Variants in RNF8 observed in about 807,000 individuals in gnomAD.
RNF8 encodes ring finger protein 8, also known as E3 ubiquitin-protein ligase RNF8.
In RNF8, 8 loss-of-function variants were observed where a neutral mutation model predicts 59.3. The ratio of observed to expected loss-of-function variants is 0.13; its 90% CI spans 0.08 to 0.24. The LOEUF is 0.24. Ranked by LOEUF, RNF8 falls within the 10% of genes least tolerant of loss-of-function variation. The pLI, the probability that RNF8 is intolerant of heterozygous loss-of-function variation, is 1.00. For missense variants in RNF8, 406 were observed against 572.6 expected (o/e 0.71, Z 2.97); for synonymous variants, 162 against 200.0 (o/e 0.81, Z 1.60).
Position 37,360,563 on chromosome 6 carries a change from A to G in RNF8, c.229A>G (p.Met77Val). Residue 77 changes from methionine to valine, a missense_variant, in exon 2 of 8, where the codon ATG (methionine) becomes GTG (valine). Physicochemically the swap from Met to Val is conservative, Grantham distance 21. This residue lies in a region of RNF8 where 62 missense variants were observed against 112.2 expected (regional missense o/e 0.55). Transcript: ENST00000373479. This position sits in a 1 kb window ranked among gnomAD's most constrained non-coding sequence, Gnocchi z 4.2. ...GAATCCTGAGGGCCAATGGACAATT[A>G]TGGACAACAAGGTACAGGAATTCAC... Reference protein sequence around the residue: ...KQNPEGQWTIMDNKSLNGVWL... With the variant: ...KQNPEGQWTIVDNKSLNGVWL... 1.2e-6 allele frequency: 2 copies of G among 1,613,600 alleles called. No homozygotes were observed. Among genetic ancestry groups the G allele is most frequent in the Non-Finnish European group, 1.7e-6 (2 of 1,179,730 alleles).
At chr6:37,372,031 A>G (rs1288034446) in intron 4 of RNF8, among the ~76,000 whole-genome samples, 1 of 152,212 alleles carries the variant, frequency 6.6e-6, no homozygotes, top group East Asian at 1.9e-4. Context: ...CAGTTTAACA[A>G]TCAACAACAC....
intron 2 of RNF8, among the ~76,000 whole-genome samples, chr6:37,368,090 G>A (rs1349663865): frequency 6.6e-6 from 1 of 152,136 alleles, no homozygotes; most frequent in Non-Finnish European, 1.5e-5. Flanking sequence ...ACTACTTCAT[G>A]GACCTCACCC....
At chr6:37,375,156 G>T (rs186888438) in intron 5 of RNF8, among the ~76,000 whole-genome samples, 182 of 152,346 alleles carry the variant, frequency 1.2e-3, no homozygotes, top group African/African-American at 4.1e-3. Context: ...GGCCAGACTG[G>T]TAATCAAAGT....
intron 7 of RNF8, among the ~76,000 whole-genome samples, chr6:37,382,549 A>G (rs1467754581): frequency 6.6e-6 from 1 of 152,002 alleles, no homozygotes; most frequent in Non-Finnish European, 1.5e-5. Context: ...GGGAATCCAG[A>G]TTTGGCCAAG....
chr6:37,374,539 G>A, intron 4 of RNF8, 81 bp from the exon 5 acceptor site: 3 of 989,058 alleles, frequency 3.0e-6, no homozygotes, highest in South Asian at 2.8e-5. Flanking sequence ...CTAACTAGAG[G>A]GAGAGAACAG....
chr6:37,386,919 A>G (rs1021405629), intron 7 of RNF8, among the ~76,000 whole-genome samples: 16 of 152,118 alleles, frequency 1.1e-4, no homozygotes, highest in Non-Finnish European at 2.1e-4. Context: ...GCCCTCTAAA[A>G]AATGGATCCT....
intron 2 of RNF8, among the ~76,000 whole-genome samples, chr6:37,367,804 A>G (rs1769623025): frequency 6.6e-6 from 1 of 152,218 alleles, no homozygotes; most frequent in Non-Finnish European, 1.5e-5. Flanking sequence ...TGAGGTAGGT[A>G]CTGTACCATC....
chr6:37,392,415 G>A lies in RNF8; in HGVS notation c.*1657G>A, dbSNP rs183645889. On this transcript the variant is annotated 3_prime_UTR_variant, in exon 8 of 8. Coordinates refer to ENST00000373479, the MANE Select transcript of RNF8 (RefSeq NM_003958.4). ...TTTGAAATTAAAGGTACAAAATGGC[G>A]TAGAATGAAATGCCTCTCACCCTTT... The A allele has an allele frequency of 2.1e-4, 83 of 398,560 alleles. No homozygotes were observed. Among genetic ancestry groups the A allele is most frequent in the Non-Finnish European group, 2.5e-4 (56 of 226,038 alleles). 24.7% of individuals were successfully genotyped at this position (398,560 alleles called of 1,614,324 possible).
chr6:37,368,960 T>C lies in RNF8; in HGVS notation c.717T>C (p.Ser239=). 6.2e-7 allele frequency: 1 copy of C among 1,614,176 alleles called. No individual in the cohort carries two copies. Among genetic ancestry groups the C allele is most frequent in the Non-Finnish European group, 8.5e-7 (1 of 1,180,038 alleles). ...EVHHEQKASN[S]SASQRSLQMF... ...ATCATGAGCAGAAAGCCTCAAACTCTTCAGCATCTCAGAGAAGCTTACAGA... is the reference window on the plus strand; with the variant it reads ...ATCATGAGCAGAAAGCCTCAAACTCCTCAGCATCTCAGAGAAGCTTACAGA... The change falls in exon 3 of 8, where the codon TCT becomes TCC. Residue 239 remains serine (S), a synonymous_variant. Transcript: ENST00000373479.
chr6:37,377,139 C>T (rs1475769106), intron 6 of RNF8, 106 bp downstream of exon 6: 1 of 593,220 alleles, frequency 1.7e-6, no homozygotes, highest in Admixed American at 3.4e-5. Flanking sequence ...GTGCCACAAT[C>T]TCGGCTCACT....
chr6:37,354,818 C>G (rs1769053281), intron 1 of RNF8, among the ~76,000 whole-genome samples: 1 of 152,224 alleles, frequency 6.6e-6, no homozygotes, highest in South Asian at 2.1e-4. Context: ...TGCCGGGAAG[C>G]CGAGGCAGGG....
chr6:37,386,730 A>T (rs1770519785), intron 7 of RNF8, among the ~76,000 whole-genome samples: 1 of 152,214 alleles, frequency 6.6e-6, no homozygotes, highest in Non-Finnish European at 1.5e-5. Context: ...CAGCCCAGCT[A>T]TCAGCCCACC....
intron 1 of RNF8, among the ~76,000 whole-genome samples, chr6:37,356,193 A>G (rs533398216): frequency 2.2e-4 from 34 of 152,344 alleles, no homozygotes; most frequent in African/African-American, 7.7e-4. Context: ...ACCCATATAA[A>G]CTCAGTGGTA....
At chr6:37,361,238 A>G (rs1301049558) in intron 2 of RNF8, 4 of 454,454 alleles carry the variant, frequency 8.8e-6, no homozygotes, top group Admixed American at 7.0e-5. Flanking sequence ...AGCTGAGGCC[A>G]GAGGATTGTT....
chr6:37,377,554 C>CTT (rs1770075028), intron 6 of RNF8, among the ~76,000 whole-genome samples: 1 of 152,108 alleles, frequency 6.6e-6, no homozygotes, highest in African/African-American at 2.4e-5. Context: ...CTTCACTGTC[C>CTT]TTTTTTGGCA....
intron 2 of RNF8, among the ~76,000 whole-genome samples, chr6:37,364,201 T>G (rs1029089097): frequency 7.1e-6 from 1 of 140,028 alleles, no homozygotes; most frequent in African/African-American, 2.9e-5. Flanking sequence ...AAAAAAAAAT[T>G]GAGTGAAAGA....
rs1770763022 is a variant in RNF8 at position 37,392,813 on chromosome 6, T to TA, written c.*2056dup. The TA allele has an allele frequency of 2.5e-6, 1 of 396,516 alleles. No homozygotes were observed. The highest frequency in any genetic ancestry group is 1.4e-4 in the South Asian group (1 of 7,090). The allele number at this position is 396,516 out of a possible 1,614,324, so 24.6% of individuals were successfully genotyped here. On this transcript the variant is annotated 3_prime_UTR_variant, in exon 8 of 8. Coordinates refer to ENST00000373479, the MANE Select transcript of RNF8 (RefSeq NM_003958.4). ...AGAGAGAAGATATTTTAAAAAGAAA[T>TA]ACCTTTTTAAAAATTATTTTATTAT...
intron 3 of RNF8, among the ~76,000 whole-genome samples, chr6:37,369,491 A>G (rs2113822199): frequency 6.6e-6 from 1 of 152,358 alleles, no homozygotes; most frequent in South Asian, 2.1e-4. Context: ...AACTCATCCC[A>G]GGAGGCAAAG....
intron 1 of RNF8, among the ~76,000 whole-genome samples, chr6:37,357,892 A>G (rs1317881134): frequency 6.6e-6 from 1 of 152,248 alleles, no homozygotes; most frequent in Non-Finnish European, 1.5e-5. Context: ...ACAGTGGTAA[A>G]CAAGACAGAT....
Sources: allele counts gnomAD v4.1 joint callset (sites outside exome capture counted in the v4.1 genomes callset), GRCh38; gene constraint gnomAD v4.1.1; regional missense constraint gnomAD v4.1.1; non-coding constraint Gnocchi (gnomAD v3.1); transcripts MANE v1.5; gene names NCBI Gene and HGNC (gene_info 2026-07-23, HGNC 2026-07-21).